The following RNF8 variants were observed in gnomAD, a reference collection of about 807,000 sequenced individuals.
The protein encoded by RNF8 is ring finger protein 8.
A neutral mutation model predicts 59.3 loss-of-function variants in RNF8; 8 were observed. The observed-to-expected ratio is 0.13, with a 90% CI of 0.08 to 0.24. RNF8 has a LOEUF of 0.24. Among genes scored for constraint, RNF8 ranks in the 10% least tolerant of loss-of-function variants. RNF8 has a pLI of 1.00. For synonymous variants in RNF8, 162 were observed against 200.0 expected, an observed-to-expected ratio of 0.81 and a Z score of 1.60; for missense variants, 406 against 572.6, an observed-to-expected ratio of 0.71 and a Z score of 2.97.
chr6:37,371,579 C>T lies in RNF8; in HGVS notation c.1038+5C>T, dbSNP rs1769806441. 1 of 1,612,878 alleles carries T rather than the reference C, an allele frequency of 6.2e-7. No homozygotes were observed. The highest frequency in any genetic ancestry group is 1.3e-5 in the African/African-American group (1 of 74,842). On this transcript the variant is annotated splice_donor_5th_base_variant and intron_variant, in intron 4 of 7. Transcript: ENST00000373479. ...CTGGCCCAGGCTCTGCAGGAGGTAA[C>T]TTTGCCATAGTACTAAGATTATAGT...
At chr6:37,354,357 G>A (rs1769028644) in intron 1 of RNF8, 82 bp downstream of exon 1, 2 of 1,111,084 alleles carry the variant, frequency 1.8e-6, no homozygotes, top group Non-Finnish European at 2.5e-6. Flanking sequence ...GTGTCTTGCT[G>A]GGCTGAATGA....
chr6:37,387,660 T>G (rs1770568520), intron 7 of RNF8, among the ~76,000 whole-genome samples: 1 of 152,194 alleles, frequency 6.6e-6, no homozygotes, highest in Admixed American at 6.5e-5. Context: ...TTCCTTTTTC[T>G]TAGCACCTAC....
intron 7 of RNF8, among the ~76,000 whole-genome samples, chr6:37,381,807 G>A (rs1770276064): frequency 6.6e-6 from 1 of 152,188 alleles, no homozygotes; most frequent in Non-Finnish European, 1.5e-5. Flanking sequence ...TTTGAAACTG[G>A]CCCTCTGCTG....
intron 5 of RNF8, 147 bp downstream of exon 5, chr6:37,374,856 C>T: frequency 3.2e-6 from 2 of 615,892 alleles, no homozygotes; most frequent in Admixed American, 3.0e-5. Context: ...TTATAGAGGC[C>T]TATAGCAGGT....
chr6:37,374,508 G>A (rs1266736616), intron 4 of RNF8, 112 bp from the exon 5 acceptor site: 6 of 722,362 alleles, frequency 8.3e-6, no homozygotes, highest in African/African-American at 3.6e-5. Flanking sequence ...CCAATTTATC[G>A]ATCCCTGAAC....
intron 2 of RNF8, among the ~76,000 whole-genome samples, chr6:37,364,085 A>G (rs1769447478): frequency 6.7e-6 from 1 of 149,810 alleles, no homozygotes; most frequent in African/African-American, 2.5e-5. Flanking sequence ...AAGCTGAGGC[A>G]GGAGAATGGC....
intron 4 of RNF8, among the ~76,000 whole-genome samples, chr6:37,371,796 A>G (rs1769817128): frequency 6.6e-6 from 1 of 152,202 alleles, no homozygotes; most frequent in South Asian, 2.1e-4. Flanking sequence ...GTCTGAGCAG[A>G]AGTTGCTCTG....
intron 7 of RNF8, among the ~76,000 whole-genome samples, chr6:37,387,534 G>A (rs1770559530): frequency 6.6e-6 from 1 of 151,984 alleles, no homozygotes; most frequent in Admixed American, 6.6e-5. Flanking sequence ...TAGAGATGGG[G>A]TTTCATTATG....
chr6:37,367,133 A>T (rs1333675498), intron 2 of RNF8, among the ~76,000 whole-genome samples: 1 of 152,242 alleles, frequency 6.6e-6, no homozygotes. Context: ...AATAGTAGTG[A>T]ACACTTACGT....
chr6:37,360,124 T>G lies in RNF8; in HGVS notation c.112-322T>G, dbSNP rs919506792. ...CCTTATGTAAAGTTACTGACAGTAT[T>G]TATGCGTTGATGGGATGTGTAGAAA... On this transcript the variant is annotated intron_variant, in intron 1 of 7. Coordinates refer to ENST00000373479, the MANE Select transcript of RNF8 (RefSeq NM_003958.4). The surrounding 1 kb of genome is among the most constrained non-coding windows in gnomAD (Gnocchi z 4.2). Among the ~76,000 whole-genome samples the G allele has an allele frequency of 6.6e-6, 1 of 152,204 alleles. No individual in the cohort carries two copies. Among genetic ancestry groups the G allele is most frequent in the Non-Finnish European group, 1.5e-5 (1 of 68,034 alleles).
chr6:37,372,959 G>A (rs796732190), intron 4 of RNF8, among the ~76,000 whole-genome samples: 12 of 152,062 alleles, frequency 7.9e-5, no homozygotes, highest in Admixed American at 2.0e-4. Context: ...ACAAGACTCC[G>A]TCTCAAAAAA....
At chr6:37,367,813 T>TC (rs1769623892) in intron 2 of RNF8, among the ~76,000 whole-genome samples, 1 of 152,218 alleles carries the variant, frequency 6.6e-6, no homozygotes, top group African/African-American at 2.4e-5. Context: ...TACTGTACCA[T>TC]CCCTGTTCTG....
chr6:37,372,825 C>T (rs1424896715), intron 4 of RNF8, among the ~76,000 whole-genome samples: 2 of 152,132 alleles, frequency 1.3e-5, no homozygotes, highest in Non-Finnish European at 1.5e-5. Context: ...CAAAATTAGC[C>T]GGGCGTGGTG....
Position 37,393,241 on chromosome 6 carries a change from T to G in RNF8, c.*2483T>G, listed in dbSNP as rs1397904512. On this transcript the variant is annotated 3_prime_UTR_variant, in exon 8 of 8. Transcript: ENST00000373479. The stretch of plus-strand genomic sequence containing the variant: ...GCCTTGGGCAAGTTACTCAGCCTCC[T>G]TGTGTCTTGGTTTTGGTTTCTTCAT... 1.3e-5 allele frequency: 2 copies of G among 152,264 alleles called. No homozygotes were observed. Among genetic ancestry groups the G allele is most frequent in the Non-Finnish European group, 2.9e-5 (2 of 68,054 alleles). 9.4% of individuals were successfully genotyped at this position (152,264 alleles called of 1,614,324 possible). A position where few individuals can be genotyped will look rare whatever the true frequency, so the allele number is the denominator to read the frequency against.
intron 7 of RNF8, among the ~76,000 whole-genome samples, chr6:37,384,012 T>C (rs1375097584): frequency 6.6e-6 from 1 of 152,132 alleles, no homozygotes; most frequent in African/African-American, 2.4e-5. Context: ...AGCGGTTTCT[T>C]TGGGTTGTAC....
At chr6:37,366,172 A>G (rs1284524890) in intron 2 of RNF8, among the ~76,000 whole-genome samples, 4 of 152,196 alleles carry the variant, frequency 2.6e-5, no homozygotes, top group Non-Finnish European at 4.4e-5. Flanking sequence ...TCTGAGGGCA[A>G]ACTTCCTACT....
At chr6:37,378,912 CAT>C (rs1321121838) in intron 6 of RNF8, among the ~76,000 whole-genome samples, 1 of 152,184 alleles carries the variant, frequency 6.6e-6, no homozygotes, top group Non-Finnish European at 1.5e-5. Flanking sequence ...ACATATAAGA[CAT>C]AAACAACTTG....
rs1205811525 is a variant in RNF8, at chr6:37,391,930, CG to C, written c.*1173del. On this transcript the variant is annotated 3_prime_UTR_variant, in exon 8 of 8. Transcript: ENST00000373479. ...GCCTCTAAAATGCTGGGATTACAGG[CG>C]TGAGCCACCACGCCCAGCCTATACC... 2.0e-5 allele frequency: 3 copies of C among 152,270 alleles called. No individual in the cohort carries two copies. The highest frequency in any genetic ancestry group is 4.4e-5 in the Non-Finnish European group (3 of 68,076). 9.4% of individuals were successfully genotyped at this position (152,270 alleles called of 1,614,324 possible).
intron 7 of RNF8, among the ~76,000 whole-genome samples, chr6:37,385,090 C>T (rs1051028362): frequency 1.5e-4 from 23 of 151,632 alleles, no homozygotes; most frequent in African/African-American, 5.6e-4. Flanking sequence ...CTCGGCTTAC[C>T]ACAACCTCCG....
Sources: gnomAD v4.1 joint callset for allele counts (sites outside exome capture counted in the v4.1 genomes callset) on GRCh38, gnomAD v4.1.1 for gene constraint, Gnocchi (gnomAD v3.1) non-coding constraint, MANE v1.5 for transcripts, NCBI Gene and HGNC (gene_info 2026-07-23, HGNC 2026-07-21) for gene names.